ENKUR: variants seen among roughly 807,000 people sequenced by gnomAD.
ENKUR encodes the protein enkurin.
Under a neutral mutation model 27.6 loss-of-function variants are expected in ENKUR, and 19 were observed. The ratio of observed to expected loss-of-function variants is 0.69; its 90% CI spans 0.48 to 1.01. The LOEUF is 1.01. Ranked by LOEUF, ENKUR falls within the 50% of genes least tolerant of loss-of-function variation. The pLI is 0.00. For synonymous variants in ENKUR, 117 were observed against 96.9 expected (o/e 1.21, Z -1.22); for missense variants, 312 against 310.5 (o/e 1.00, Z -0.04).
intron 2 of ENKUR, among the ~76,000 whole-genome samples, chr10:25,043,112 T>C (rs1159325671): frequency 2.0e-5 from 3 of 152,094 alleles, no homozygotes; most frequent in African/African-American, 7.2e-5. Context: ...GGTTTGAAAA[T>C]TTGAGATGAA....
chr10:25,017,027 C>T (rs111832741), upstream of ENKUR, among the ~76,000 whole-genome samples: 4,408 of 152,292 alleles, frequency 0.029, 145 homozygotes, highest in African/African-American at 0.079. Flanking sequence ...CGCCCTCCCG[C>T]CCCTGCTCCC....
At chr10:24,991,493 CAG>C (rs1483428127) in intron 3 of ENKUR, among the ~76,000 whole-genome samples, 2 of 151,822 alleles carry the variant, frequency 1.3e-5, no homozygotes, top group African/African-American at 4.8e-5. Context: ...AGGCTGTTGA[CAG>C]GGGCGTGCCA....
rs753955093 is a variant in ENKUR at position 25,024,284 on chromosome 10, C to T, written c.38-28415G>A. 7.4e-6 allele frequency: 12 copies of T among 1,614,190 alleles called. No homozygotes were observed. The South Asian group carries it at 1.3e-4, about 18-fold the overall frequency. The stretch of plus-strand genomic sequence containing the variant: ...CCAACAGGATCATTTAAAGATTTGT[C>T]TTTACAGCTTATGCCTCATATTTTT... On this transcript the variant is annotated intron_variant, in intron 2 of 5. Coordinates refer to the ENKUR transcript ENST00000615958.
intron 2 of ENKUR, among the ~76,000 whole-genome samples, chr10:25,059,570 C>A (rs868324875): frequency 6.6e-6 from 1 of 152,220 alleles, no homozygotes; most frequent in South Asian, 2.1e-4. Flanking sequence ...CCATCTATTT[C>A]ATTCATTACC....
chr10:25,018,042 A>G (rs571367502), upstream of ENKUR, among the ~76,000 whole-genome samples: 3 of 152,276 alleles, frequency 2.0e-5, no homozygotes, highest in African/African-American at 7.2e-5. Flanking sequence ...GTTAGCACCA[A>G]CTGGCCTTTG....
rs1265526850 is a variant in ENKUR, at chr10:24,982,767, G to A, written c.*1603C>T. The A allele has an allele frequency of 6.6e-6, 1 of 152,156 alleles. No individual in the cohort carries two copies. Among genetic ancestry groups the A allele is most frequent in the African/African-American group, 2.4e-5 (1 of 41,432 alleles). 9.4% of individuals were successfully genotyped at this position (152,156 alleles called of 1,614,324 possible). A position where few individuals can be genotyped will look rare whatever the true frequency, so the allele number is the denominator to read the frequency against. On this transcript the variant is annotated 3_prime_UTR_variant, in exon 6 of 6. Transcript: ENST00000331161. ...ATGGATGGGAATGTTTCCCTCTGAA[G>A]GCTCTGTGAAAGAAAGGCAACAATG...
intron 2 of ENKUR, among the ~76,000 whole-genome samples, chr10:25,051,212 C>T (rs978033046): frequency 6.6e-6 from 1 of 152,276 alleles, no homozygotes; most frequent in East Asian, 1.9e-4. Context: ...AAATATAGCT[C>T]CTCTTCTTGC....
intron 2 of ENKUR, chr10:25,023,593 G>A: frequency 6.2e-7 from 1 of 1,614,138 alleles, no homozygotes; most frequent in Non-Finnish European, 8.5e-7. Context: ...AAACTTCTCT[G>A]CATCTGGAAG....
At chr10:25,047,184 G>A (rs1173937051) in intron 2 of ENKUR, among the ~76,000 whole-genome samples, 1 of 152,084 alleles carries the variant, frequency 6.6e-6, no homozygotes, top group East Asian at 1.9e-4. Flanking sequence ...GGTTTGTTCA[G>A]GGATGCTAAT....
chr10:25,024,325 C>A (rs41279892), intron 2 of ENKUR: 33,974 of 1,614,170 alleles, frequency 0.021, 443 homozygotes, highest in Non-Finnish European at 0.024. Context: ...CTGTATCCCA[C>A]CAAGTTGCAA....
intron 2 of ENKUR, among the ~76,000 whole-genome samples, chr10:25,060,069 G>A (rs1405829537): frequency 6.6e-6 from 1 of 152,130 alleles, no homozygotes; most frequent in Non-Finnish European, 1.5e-5. Context: ...CCTTTTATCT[G>A]CCTGGGCTTC....
In ENKUR at chr10:24,988,718, A is replaced by ATATATG. The variant is rs1564334751; in HGVS notation, c.594+1744_594+1745insCATATA. 8.4e-4 allele frequency among the ~76,000 whole-genome samples: 40 copies of ATATATG among 47,706 alleles called. 2 individuals are homozygous for ATATATG. Among genetic ancestry groups the ATATATG allele is most frequent in the African/African-American group, 3.9e-3 (39 of 9,918 alleles). 31.3% of individuals were successfully genotyped at this position (47,706 alleles called of 152,430 possible). A position where few individuals can be genotyped will look rare whatever the true frequency, so the allele number is the denominator to read the frequency against. ...TATATATATATATATATATATATAT[A>ATATATG]TATATATATTCCTCATTTTAAAAAT... is the stretch of plus-strand genomic sequence containing the variant. On this transcript the variant is annotated intron_variant, in intron 4 of 5. Transcript: ENST00000331161.
upstream of ENKUR, among the ~76,000 whole-genome samples, chr10:25,017,048 CTTGGGCGGTCCTCCGGGTCGGCTCT>C (rs1850608726): frequency 6.6e-6 from 1 of 152,078 alleles, no homozygotes; most frequent in African/African-American, 2.4e-5. Flanking sequence ...GGGACCGCCC[CTTGGGCGGTCCTCCGGGTCGGCTCT>C]GCGCCTGCTC....
At chr10:25,013,203 C>G (rs1298319862) in intron 1 of ENKUR, among the ~76,000 whole-genome samples, 1 of 152,182 alleles carries the variant, frequency 6.6e-6, no homozygotes, top group East Asian at 1.9e-4. Context: ...ATATAAATTA[C>G]CCAGTCTCGA....
intron 3 of ENKUR, among the ~76,000 whole-genome samples, chr10:24,993,668 G>A (rs1407010308): frequency 1.3e-5 from 2 of 152,210 alleles, no homozygotes; most frequent in Non-Finnish European, 2.9e-5. Context: ...AGTAAATTGA[G>A]TAAGTCTTTC....
intron 2 of ENKUR, among the ~76,000 whole-genome samples, chr10:25,038,132 A>T (rs1448854567): frequency 6.6e-6 from 1 of 152,158 alleles, no homozygotes; most frequent in Non-Finnish European, 1.5e-5. Flanking sequence ...TTCAATATCT[A>T]TTCTCAATTG....
At chr10:24,993,629 T>A (rs926675987) in intron 3 of ENKUR, among the ~76,000 whole-genome samples, 7 of 152,232 alleles carry the variant, frequency 4.6e-5, no homozygotes, top group Non-Finnish European at 7.3e-5. Context: ...CAATGATAGA[T>A]CTTTAAAACT....
At chr10:25,061,518 T>C (rs372385727) in intron 1 of ENKUR, 4 of 206,084 alleles carry the variant, frequency 1.9e-5, no homozygotes, top group South Asian at 1.6e-4. Flanking sequence ...GGAAAAAACT[T>C]TGGTGATCTA....
At chr10:25,007,684 T>G (rs949967651) in intron 1 of ENKUR, among the ~76,000 whole-genome samples, 4 of 152,256 alleles carry the variant, frequency 2.6e-5, no homozygotes, top group Non-Finnish European at 5.9e-5. Flanking sequence ...CCCGCCTGCC[T>G]CGGCCTCCCA....
Sources: gnomAD v4.1 joint callset for allele counts (sites outside exome capture counted in the v4.1 genomes callset) on GRCh38, gnomAD v4.1.1 for gene constraint, MANE v1.5 for transcripts, NCBI Gene and HGNC (gene_info 2026-07-23, HGNC 2026-07-21) for gene names.